COL18A1: variants seen among roughly 807,000 people sequenced by gnomAD.
The protein encoded by COL18A1 is collagen type XVIII alpha 1 chain, also known as collagen alpha-1(XVIII) chain.
In COL18A1, 133 loss-of-function variants were observed where a neutral mutation model predicts 168.0. That is an observed-to-expected ratio of 0.79 (90% CI 0.69 to 0.91). COL18A1 has a LOEUF of 0.91. Among genes scored for constraint, COL18A1 ranks in the 40% least tolerant of loss-of-function variants. The pLI is 0.00. For missense variants in COL18A1, 2,126 were observed against 1,925.4 expected (o/e 1.10, Z -1.95); for synonymous variants, 949 against 809.0 (o/e 1.17, Z -2.94).
chr21:45,441,779 A>T (rs1334328394), intron 2 of COL18A1, among the ~76,000 whole-genome samples: 1 of 152,232 alleles, frequency 6.6e-6, no homozygotes, highest in South Asian at 2.1e-4. Context: ...CACCTCTGAT[A>T]TGCAACTATT....
chr21:45,505,701 G>GGGCTCCT, intron 36 of COL18A1, 137 bp from the exon 37 acceptor site: 2 of 750,396 alleles, frequency 2.7e-6, no homozygotes, highest in Admixed American at 2.1e-5. Context: ...GGTGCTCATG[G>GGGCTCCT]GGGCAGCCGC....
Position 45,414,719 on chromosome 21 carries a change from G to A in COL18A1, c.106+9246G>A, listed in dbSNP as rs548888244. Among the ~76,000 whole-genome samples the A allele has an allele frequency of 4.6e-5, 7 of 152,298 alleles. No homozygotes were observed. In the South Asian group the frequency reaches 8.3e-4, roughly 18 times the overall value. ...CAGACAGATGGACACTAATGTCCCCGAACCTAAGAAACAAAACCCAAAACC... is the reference window on the plus strand; with the variant it reads ...CAGACAGATGGACACTAATGTCCCCAAACCTAAGAAACAAAACCCAAAACC... On this transcript the variant is annotated intron_variant, in intron 2 of 41. Transcript: ENST00000651438.
chr21:45,414,493 C>T (rs904418077), intron 2 of COL18A1, among the ~76,000 whole-genome samples: 3 of 152,254 alleles, frequency 2.0e-5, no homozygotes, highest in African/African-American at 7.2e-5. Flanking sequence ...TGTCCCAATT[C>T]AGCCTTTCCT....
At chr21:45,442,123 T>C (rs1192249348) in intron 2 of COL18A1, among the ~76,000 whole-genome samples, 2 of 152,200 alleles carry the variant, frequency 1.3e-5, no homozygotes, top group Non-Finnish European at 2.9e-5. Context: ...GGCTGTGCCC[T>C]TGAGTGGGTG....
chr21:45,413,643 T>A (rs1423182872), intron 2 of COL18A1, among the ~76,000 whole-genome samples: 1 of 152,186 alleles, frequency 6.6e-6, no homozygotes, highest in Non-Finnish European at 1.5e-5. Flanking sequence ...ATCTCAGCCT[T>A]CCAGCCAGAA....
In COL18A1 at chr21:45,471,200, C is replaced by G. The variant is rs558057589; in HGVS notation, c.651+2414C>G. On this transcript the variant is annotated intron_variant, in intron 3 of 41. Transcript: ENST00000651438. This position sits in a 1 kb window ranked among gnomAD's most constrained non-coding sequence, Gnocchi z 4.4. ...TGGGCGTGGGTGGCGCGCTATGGGCCGTGTGCTGAGGGCTGTGTTGGTTGA... is the reference window on the plus strand; with the variant it reads ...TGGGCGTGGGTGGCGCGCTATGGGCGGTGTGCTGAGGGCTGTGTTGGTTGA... Among the ~76,000 whole-genome samples the G allele has an allele frequency of 2.6e-5, 4 of 152,132 alleles. No individual in the cohort carries two copies. The highest frequency in any genetic ancestry group is 7.2e-5 in the African/African-American group (3 of 41,482).
intron 2 of COL18A1, among the ~76,000 whole-genome samples, chr21:45,411,774 G>T (rs1481346092): frequency 3.8e-5 from 5 of 132,960 alleles, no homozygotes; most frequent in African/African-American, 1.1e-4. Flanking sequence ...GGTGGGGGGG[G>T]GGCAGGCTGT....
At chr21:45,410,564 G>A (rs1275829436) in intron 2 of COL18A1, among the ~76,000 whole-genome samples, 9 of 152,242 alleles carry the variant, frequency 5.9e-5, no homozygotes, top group East Asian at 1.9e-4. Flanking sequence ...CCGTTTGTTC[G>A]TTTGCTCATT....
chr21:45,505,949 G>C lies in COL18A1; in HGVS notation c.3199G>C (p.Gly1067Arg). ...GGAGCTCTACGTCCGCGTGCAGAACGGGTTCCGGAAGGTCCAGGTGAGCGC... is the reference window on the plus strand; with the variant it reads ...GGAGCTCTACGTCCGCGTGCAGAACCGGTTCCGGAAGGTCCAGGTGAGCGC... ...QEELYVRVQNGFRKVQLEART... is the reference protein window; with the variant it reads ...QEELYVRVQNRFRKVQLEART... Residue 1067 changes from glycine to arginine, a missense_variant, in exon 37 of 42, where the codon GGG becomes CGG. By Grantham distance (125) the Gly-to-Arg change is moderately radical (BLOSUM62 -2). Transcript: ENST00000651438. 1.2e-6 allele frequency: 2 copies of C among 1,613,222 alleles called. No individual in the cohort carries two copies. Among genetic ancestry groups the C allele is most frequent in the South Asian group, 1.1e-5 (1 of 91,078 alleles).
chr21:45,427,684 G>T (rs569790705), intron 2 of COL18A1, among the ~76,000 whole-genome samples: 1 of 152,220 alleles, frequency 6.6e-6, no homozygotes, highest in African/African-American at 2.4e-5. Flanking sequence ...GGACTTTGCC[G>T]TGAGGGGTGG....
Position 45,468,314 on chromosome 21 carries a change from A to G in COL18A1, c.179A>G (p.Asp60Gly). The change falls in exon 3 of 42, where the codon GAT becomes GGT. Residue 60 changes from aspartate to glycine, a missense_variant. By Grantham distance (94) the Asp-to-Gly change is moderately conservative. Transcript: ENST00000651438. ...CCGCCCCAGCAGGTCACCCAGACGG[A>G]TGACCCCGACGTCGGGCTGGCCTAC... is the stretch of plus-strand genomic sequence containing the variant. ...DPPPQQVTQT[D>G]DPDVGLAYVF... is the part of the protein sequence containing the mutation. The G allele has an allele frequency of 1.2e-6, 2 of 1,613,380 alleles. No individual in the cohort carries two copies. Among genetic ancestry groups the G allele is most frequent in the Non-Finnish European group, 1.7e-6 (2 of 1,180,028 alleles).
intron 2 of COL18A1, among the ~76,000 whole-genome samples, chr21:45,453,303 G>C (rs2034692924): frequency 6.6e-6 from 1 of 152,150 alleles, no homozygotes; most frequent in Admixed American, 6.5e-5. Context: ...GCTTGTGTAT[G>C]TGAGTATTCA....
At chr21:45,494,115 G>T in intron 26 of COL18A1, 2 of 331,304 alleles carry the variant, frequency 6.0e-6, no homozygotes, top group Admixed American at 4.2e-5. Flanking sequence ...AGAGGGAGCA[G>T]TGAGCCCTCC....
At chr21:45,408,652 G>GC (rs1239142431) in intron 2 of COL18A1, 1 of 151,600 alleles carries the variant, frequency 6.6e-6, no homozygotes, top group Non-Finnish European at 1.5e-5. Context: ...ACCCTCCCCA[G>GC]CCCCCGCTGA....
chr21:45,500,197 A>AGT (rs1258202099), intron 32 of COL18A1, among the ~76,000 whole-genome samples: 1 of 27,610 alleles, frequency 3.6e-5, no homozygotes, highest in African/African-American at 1.8e-4. Context: ...GTGTGTGTGG[A>AGT]GTGTGTGTGG....
intron 2 of COL18A1, among the ~76,000 whole-genome samples, chr21:45,415,377 C>T (rs1280801362): frequency 6.6e-6 from 1 of 152,164 alleles, no homozygotes; most frequent in Non-Finnish European, 1.5e-5. Context: ...CTCAATGGAA[C>T]CTCTGGTCTT....
chr21:45,449,242 AC>A (rs537485883), intron 2 of COL18A1, among the ~76,000 whole-genome samples: 531 of 152,306 alleles, frequency 3.5e-3, no homozygotes, highest in African/African-American at 0.012. Context: ...GGCCTGGCTC[AC>A]ATGGGCTTCC....
chr21:45,482,737 C>T (rs2035944433), intron 14 of COL18A1, 58 bp from the exon 15 acceptor site: 4 of 1,613,936 alleles, frequency 2.5e-6, no homozygotes, highest in Admixed American at 1.7e-5. Flanking sequence ...GATGTGCCTT[C>T]CTCTGTCCAC....
At chr21:45,488,340 C>G in intron 17 of COL18A1, 78 bp from the exon 18 acceptor site, 1 of 1,589,910 alleles carries the variant, frequency 6.3e-7, no homozygotes, top group Admixed American at 1.7e-5. Flanking sequence ...CTGTTACTAG[C>G]GGGCTTTTCT....
Sources: allele counts gnomAD v4.1 joint callset (sites outside exome capture counted in the v4.1 genomes callset), GRCh38; gene constraint gnomAD v4.1.1; non-coding constraint Gnocchi (gnomAD v3.1); transcripts MANE v1.5; gene names NCBI Gene and HGNC (gene_info 2026-07-23, HGNC 2026-07-21).